The following KDM1A variants were observed in gnomAD, a reference collection of about 807,000 sequenced individuals.
The protein encoded by KDM1A is lysine-specific histone demethylase 1A.
KDM1A carries 49 observed loss-of-function variants against 109.4 expected under a neutral mutation model. That is an observed-to-expected ratio of 0.45 (90% confidence interval 0.36 to 0.57). The LOEUF is 0.57. Ranked by LOEUF, KDM1A falls within the 20% of genes least tolerant of loss-of-function variation. The pLI is 0.00. For missense variants in KDM1A, 668 were observed against 1,116.6 expected, an observed-to-expected ratio of 0.60 and a Z score of 5.73; for synonymous variants, 380 against 415.4, an observed-to-expected ratio of 0.91 and a Z score of 1.04.
chr1:23,027,672 T>A (rs1641850338), intron 1 of KDM1A, among the ~76,000 whole-genome samples: 4 of 151,630 alleles, frequency 2.6e-5, no homozygotes, highest in African/African-American at 9.7e-5. Flanking sequence ...TCCTACACTT[T>A]CTTCCTTCCA....
chr1:23,019,914 G>A lies in KDM1A; in HGVS notation c.318G>A (p.Glu106=). 2 of 1,573,592 alleles carry A rather than the reference G, an allele frequency of 1.3e-6. No individual in the cohort carries two copies. The highest frequency in any genetic ancestry group is 2.6e-5 in the East Asian group (1 of 39,210). Residue 106 remains glutamate, a synonymous_variant, in exon 1 of 21, where the codon GAG becomes GAA. Transcript: ENST00000400181. ...AAACTGGAATAGCAGAGACTCCGGA[G>A]GGGCGTCGGACCAGCCGGCGCAAGC... ...PMETGIAETP[E]GRRTSRRKRA... is the part of the protein sequence containing the mutation.
chr1:23,046,388 A>T (rs4655144), intron 3 of KDM1A, among the ~76,000 whole-genome samples: 146,875 of 152,270 alleles, frequency 0.96, 70,870 homozygotes, highest in African/African-American at 0.99. Flanking sequence ...GTTTTCTCAT[A>T]TTAAGTAAAG....
At chr1:23,067,027 T>A (rs1029220160) in intron 10 of KDM1A, among the ~76,000 whole-genome samples, 1 of 152,130 alleles carries the variant, frequency 6.6e-6, no homozygotes, top group African/African-American at 2.4e-5. Flanking sequence ...GGCCATTGAG[T>A]TGAATGAGTA....
chr1:23,068,699 G>C lies in KDM1A; in HGVS notation c.1322+18G>C, dbSNP rs1207182303. ...GTCATTCAGTAAGTACTTTGATACTGCTTATTGTATAGTGAGTTCCATGTG... is the reference window on the plus strand; with the variant it reads ...GTCATTCAGTAAGTACTTTGATACTCCTTATTGTATAGTGAGTTCCATGTG... On this transcript the variant is annotated intron_variant, in intron 11 of 20. Transcript: ENST00000400181. 3 of 1,514,652 alleles carry C rather than the reference G, an allele frequency of 2.0e-6. No homozygotes were observed. Among genetic ancestry groups the C allele is most frequent in the East Asian group, 2.4e-5 (1 of 41,940 alleles). 93.8% of individuals were successfully genotyped at this position (1,514,652 alleles called of 1,614,324 possible). A position where few individuals can be genotyped will look rare whatever the true frequency, so the allele number is the denominator to read the frequency against.
chr1:23,065,717 TTTGTTGTTG>T (rs542649884), intron 9 of KDM1A, among the ~76,000 whole-genome samples: 8 of 152,056 alleles, frequency 5.3e-5, no homozygotes, highest in South Asian at 2.1e-4. Flanking sequence ...TTTGTTTGAT[TTTGTTGTTG>T]TTGTTGTTGT....
At chr1:23,043,010 A>G (rs1168093034) in intron 2 of KDM1A, among the ~76,000 whole-genome samples, 3 of 152,166 alleles carry the variant, frequency 2.0e-5, no homozygotes, top group African/African-American at 7.2e-5. Flanking sequence ...CAGCCTCCCA[A>G]AGTGATGGGA....
chr1:23,050,268 C>G (rs1642627491), intron 3 of KDM1A, 119 bp from the exon 4 acceptor site: 2 of 1,043,898 alleles, frequency 1.9e-6, no homozygotes, highest in Non-Finnish European at 2.6e-6. Flanking sequence ...GCTTTTGAGA[C>G]AATTGAAAAT....
At chr1:23,059,589 C>G (rs1174695507) in intron 9 of KDM1A, among the ~76,000 whole-genome samples, 1 of 152,078 alleles carries the variant, frequency 6.6e-6, no homozygotes. Flanking sequence ...TTTTGATGGG[C>G]TAATAGCCAA....
chr1:23,067,510 C>T (rs1643192492), intron 10 of KDM1A, among the ~76,000 whole-genome samples: 1 of 152,168 alleles, frequency 6.6e-6, no homozygotes, highest in African/African-American at 2.4e-5. Context: ...AGTCAGTTAC[C>T]TCTGATTGTA....
chr1:23,077,218 T>A lies in KDM1A; in HGVS notation c.1735-10T>A, dbSNP rs372037808. On this transcript the variant is annotated splice_polypyrimidine_tract_variant and intron_variant, in intron 15 of 20. Coordinates refer to ENST00000400181, the MANE Select transcript of KDM1A (RefSeq NM_001009999.3). ...AAGGTTGGAAATATGTTCTTTTCTC[T>A]CCTCTTTAGGATGATGACTTTGAGT... 8 of 1,610,978 alleles carry A rather than the reference T, an allele frequency of 5.0e-6. No individual in the cohort carries two copies. The African/African-American group carries it at 1.1e-4, about 22-fold the overall frequency.
Position 23,046,352 on chromosome 1 carries a change from C to T in KDM1A, c.577+1866C>T, listed in dbSNP as rs1044245385. Among the ~76,000 whole-genome samples, 12 of 152,202 alleles carry T rather than the reference C, an allele frequency of 7.9e-5. 1 individual carries two copies. The South Asian group carries it at 2.3e-3, about 29-fold the overall frequency. The stretch of plus-strand genomic sequence containing the variant: ...CTTATTCCTTTTATTTTAAAACATT[C>T]TAGGACTTGATATGATACATCTCTA... On this transcript the variant is annotated intron_variant, in intron 3 of 20. Transcript: ENST00000400181.
At chr1:23,051,317 C>T (rs916196246) in intron 4 of KDM1A, among the ~76,000 whole-genome samples, 1 of 152,150 alleles carries the variant, frequency 6.6e-6, no homozygotes, top group Non-Finnish European at 1.5e-5. Flanking sequence ...TCTGGACAGT[C>T]TTATGCATTC....
In KDM1A at chr1:23,082,282, T is replaced by C; in HGVS notation, c.2361T>C (p.Tyr787=). 1 of 1,613,976 alleles carries C rather than the reference T, an allele frequency of 6.2e-7. No individual in the cohort carries two copies. The highest frequency in any genetic ancestry group is 8.5e-7 in the Non-Finnish European group (1 of 1,179,956). Residue 787 remains tyrosine (Y), a synonymous_variant, in exon 20 of 21, where the codon TAT becomes TAC. Coordinates refer to ENST00000400181, the MANE Select transcript of KDM1A (RefSeq NM_001009999.3). ...ADPWARGSYS[Y]VAAGSSGNDY... ...CCTGGGCTCGGGGCTCTTATTCCTA[T>C]GTTGCTGCAGGATCATCTGGAAATG...
chr1:23,078,823 G>A (rs1192775780), intron 16 of KDM1A, 167 bp from the exon 17 acceptor site: 1 of 652,146 alleles, frequency 1.5e-6, no homozygotes, highest in Non-Finnish European at 2.7e-6. Flanking sequence ...AGCCTTAGAT[G>A]AGTTATTTCA....
At chr1:23,034,188 T>A (rs1188809719) in intron 2 of KDM1A, among the ~76,000 whole-genome samples, 1 of 152,236 alleles carries the variant, frequency 6.6e-6, no homozygotes, top group Admixed American at 6.5e-5. Context: ...ATTTAAAAAC[T>A]ACCTCATTTT....
chr1:23,039,798 G>A (rs116070471), intron 2 of KDM1A, among the ~76,000 whole-genome samples: 2 of 152,182 alleles, frequency 1.3e-5, no homozygotes, highest in African/African-American at 4.8e-5. Context: ...TCAGCTTCTC[G>A]TTTCTTAACA....
intron 4 of KDM1A, among the ~76,000 whole-genome samples, chr1:23,053,240 C>T (rs1190655341): frequency 1.3e-5 from 2 of 152,192 alleles, no homozygotes; most frequent in African/African-American, 2.4e-5. Flanking sequence ...CTCTTTTAGG[C>T]TAAATAACCC....
chr1:23,040,030 C>G (rs1376519003), intron 2 of KDM1A, among the ~76,000 whole-genome samples: 2 of 152,228 alleles, frequency 1.3e-5, no homozygotes, highest in African/African-American at 2.4e-5. Flanking sequence ...CTTTCACCTG[C>G]TAATTTATTA....
chr1:23,082,905 A>G (rs1643663904), intron 20 of KDM1A: 3 of 290,290 alleles, frequency 1.0e-5, no homozygotes, highest in Non-Finnish European at 1.3e-5. Context: ...ACATGAGGGA[A>G]GGACGCTTTA....
Sources: allele counts gnomAD v4.1 joint callset (sites outside exome capture counted in the v4.1 genomes callset), GRCh38; gene constraint gnomAD v4.1.1; transcripts MANE v1.5; gene names NCBI Gene and HGNC (gene_info 2026-07-23, HGNC 2026-07-21).